The following PUM2 variants were observed in gnomAD, a reference collection of about 807,000 sequenced individuals.
PUM2 encodes the protein pumilio RNA binding family member 2.
In PUM2, 57 loss-of-function variants were observed where a neutral mutation model predicts 124.5. The ratio of observed to expected loss-of-function variants is 0.46; its 90% confidence interval spans 0.37 to 0.57. The LOEUF is 0.57. Ranked by LOEUF, PUM2 falls within the 20% of genes least tolerant of loss-of-function variation. PUM2 has a pLI of 0.00. For synonymous variants in PUM2, 460 were observed against 446.1 expected (o/e 1.03, Z -0.39); for missense variants, 1,065 against 1,290.6 (o/e 0.83, Z 2.68).
In PUM2 at chr2:20,263,424, G is replaced by T; in HGVS notation, c.1994C>A (p.Ala665Glu). Residue 665 changes from alanine (A) to glutamate (E), a missense_variant, in exon 14 of 21, where the codon GCA becomes GAA. Ala to Glu is a moderately radical substitution (Grantham distance 107). Transcript: ENST00000361078. ...ATATTTTGCTTCTGCTCCAGGTGCT[G>T]CAGAGATATATCGACCACTACCATT... is the stretch of plus-strand genomic sequence containing the variant. ...LTNGSGRYIS[A>E]APGAEAKYRS... 6.2e-7 allele frequency: 1 copy of T among 1,614,014 alleles called. No homozygotes were observed. The highest frequency in any genetic ancestry group is 8.5e-7 in the Non-Finnish European group (1 of 1,179,886).
chr2:20,294,544 T>C, intron 8 of PUM2, 26 bp from the exon 9 acceptor site: 1 of 1,566,386 alleles, frequency 6.4e-7, no homozygotes, highest in South Asian at 1.2e-5. Flanking sequence ...GACCCCCGAA[T>C]AAAAAGTTAC....
At chr2:20,333,378 T>G (rs115073128) in intron 1 of PUM2, among the ~76,000 whole-genome samples, 146 of 151,618 alleles carry the variant, frequency 9.6e-4, no homozygotes, top group African/African-American at 3.4e-3. Context: ...TACAAAAAAT[T>G]AAAAAATTAG....
chr2:20,308,435 T>C lies in PUM2; in HGVS notation c.668A>G (p.Asn223Ser), dbSNP rs1471022608. 2 of 1,614,134 alleles carry C rather than the reference T, an allele frequency of 1.2e-6. No homozygotes were observed. Among genetic ancestry groups the C allele is most frequent in the Non-Finnish European group, 1.7e-6 (2 of 1,179,992 alleles). Residue 223 changes from asparagine to serine, a missense_variant, in exon 6 of 21, where the codon AAT (asparagine) becomes AGT (serine). Asn to Ser is a conservative substitution (Grantham distance 46). This residue lies in a region of PUM2 where 968 missense variants were observed against 1,159.8 expected (regional missense o/e 0.83). Coordinates refer to ENST00000361078, the MANE Select transcript of PUM2 (RefSeq NM_015317.5). ...ACCAACTTGTTCCATGGCATCCAGA[T>C]TCTGAGTTTCAGGATTTGAAAATTC... ...VEEFSNPETQNLDAMEQVGLE... is the reference protein window; with the variant it reads ...VEEFSNPETQSLDAMEQVGLE...
chr2:20,327,439 A>C, intron 1 of PUM2, 61 bp from the exon 2 acceptor site: 2 of 1,042,084 alleles, frequency 1.9e-6, no homozygotes, highest in South Asian at 2.7e-5. Context: ...TTCTTCAACT[A>C]TTTTTATATT....
chr2:20,303,495 T>C (rs935143248), intron 7 of PUM2, among the ~76,000 whole-genome samples: 2 of 151,322 alleles, frequency 1.3e-5, no homozygotes, highest in Non-Finnish European at 2.9e-5. Flanking sequence ...ACCAAGAGTA[T>C]ATTTAATACA....
chr2:20,318,605 G>C lies in PUM2; in HGVS notation c.92C>G (p.Thr31Arg). Residue 31 changes from threonine (T) to arginine (R), a missense_variant, in exon 3 of 21, where the codon ACA (threonine) becomes AGA (arginine). By Grantham distance (71) the Thr-to-Arg change is moderately conservative. This residue lies in a region of PUM2 where 90 missense variants were observed against 103.6 expected (regional missense o/e 0.87). Transcript: ENST00000361078. ...TKKFWEPDDS[T>R]KDGQKGIFLG... is the part of the protein sequence containing the mutation. Reference sequence around the variant, plus strand: ...AAATATGCCTTTTTGTCCATCTTTTGTTGAATCATCAGGTTCCCAAAACTT... The same window carrying C: ...AAATATGCCTTTTTGTCCATCTTTTCTTGAATCATCAGGTTCCCAAAACTT... 6.2e-7 allele frequency: 1 copy of C among 1,613,592 alleles called. No homozygotes were observed. Among genetic ancestry groups the C allele is most frequent in the Non-Finnish European group, 8.5e-7 (1 of 1,179,916 alleles).
At chr2:20,293,770 G>A (rs1031326195) in intron 9 of PUM2, among the ~76,000 whole-genome samples, 1 of 151,798 alleles carries the variant, frequency 6.6e-6, no homozygotes, top group Admixed American at 6.6e-5. Context: ...AAGTTTAACT[G>A]CCAAGTAAGC....
At chr2:20,333,379 A>T (rs1043578784) in intron 1 of PUM2, among the ~76,000 whole-genome samples, 2 of 152,126 alleles carry the variant, frequency 1.3e-5, no homozygotes, top group African/African-American at 4.8e-5. Flanking sequence ...ACAAAAAATT[A>T]AAAAATTAGC....
At chr2:20,317,436 G>A (rs1193569206) in intron 3 of PUM2, among the ~76,000 whole-genome samples, 3 of 152,074 alleles carry the variant, frequency 2.0e-5, no homozygotes, top group Non-Finnish European at 4.4e-5. Flanking sequence ...AATAAAGCTA[G>A]GCTGAGCTGC....
At position 20,251,422 on chromosome 2, in the gene PUM2, C is replaced by T; in HGVS notation, c.*163G>A. On this transcript the variant is annotated 3_prime_UTR_variant, in exon 21 of 21. Coordinates refer to ENST00000361078, the MANE Select transcript of PUM2 (RefSeq NM_015317.5). ...ATTCATCCCCCACCCCCCAAATATA[C>T]ACAAGAACCTTAAAAAATTTACAAA... is the stretch of plus-strand genomic sequence containing the variant. 1 of 859,230 alleles carries T rather than the reference C, an allele frequency of 1.2e-6. No individual in the cohort carries two copies. Among genetic ancestry groups the T allele is most frequent in the Non-Finnish European group, 1.7e-6 (1 of 588,678 alleles). 53.2% of individuals were successfully genotyped at this position (859,230 alleles called of 1,614,324 possible). A position where few individuals can be genotyped will look rare whatever the true frequency, so the allele number is the denominator to read the frequency against.
At chr2:20,338,134 C>G (rs764960233) in intron 1 of PUM2, among the ~76,000 whole-genome samples, 1 of 152,166 alleles carries the variant, frequency 6.6e-6, no homozygotes. Flanking sequence ...TGGTGGCTCA[C>G]GCCTGTAATC....
intron 1 of PUM2, among the ~76,000 whole-genome samples, chr2:20,343,371 G>A (rs952050284): frequency 3.3e-5 from 5 of 151,912 alleles, no homozygotes; most frequent in Admixed American, 6.6e-5. Flanking sequence ...TCCAGCCTGG[G>A]TGACACCACT....
intron 2 of PUM2, among the ~76,000 whole-genome samples, chr2:20,325,102 C>T (rs1235766453): frequency 3.3e-5 from 5 of 152,030 alleles, no homozygotes; most frequent in African/African-American, 1.2e-4. Context: ...AGAAGGAAAT[C>T]CCAGAAGGTT....
chr2:20,319,994 G>A (rs1681914749), intron 2 of PUM2, among the ~76,000 whole-genome samples: 1 of 152,210 alleles, frequency 6.6e-6, no homozygotes, highest in South Asian at 2.1e-4. Flanking sequence ...TGGGCCAGGA[G>A]AGGTGGCTCA....
intron 7 of PUM2, 52 bp from the exon 8 acceptor site, chr2:20,297,730 T>C (rs773162091): frequency 6.4e-7 from 1 of 1,569,228 alleles, no homozygotes; most frequent in South Asian, 1.1e-5. Context: ...GTATGATTTT[T>C]TTCATTAGAT....
In PUM2 at chr2:20,342,587, C is replaced by A. The variant is rs1687438792; in HGVS notation, c.-19+8010G>T. 2.0e-5 allele frequency among the ~76,000 whole-genome samples: 3 copies of A among 152,172 alleles called. No individual in the cohort carries two copies. In the South Asian group the frequency reaches 6.2e-4, roughly 31 times the overall value. On this transcript the variant is annotated intron_variant, in intron 1 of 20. Coordinates refer to ENST00000361078, the MANE Select transcript of PUM2 (RefSeq NM_015317.5). ...AGGTATGAAATATATTCAATTTTCT[C>A]ATAAGACTGGGTAGAATAGAGATTT...
chr2:20,265,083 A>G (rs1481289850), intron 13 of PUM2, among the ~76,000 whole-genome samples: 1 of 151,988 alleles, frequency 6.6e-6, no homozygotes, highest in Non-Finnish European at 1.5e-5. Context: ...TCCCACCTCT[A>G]CTAAAAATAC....
chr2:20,334,065 A>C (rs1227992916), intron 1 of PUM2, among the ~76,000 whole-genome samples: 1 of 152,158 alleles, frequency 6.6e-6, no homozygotes, highest in African/African-American at 2.4e-5. Flanking sequence ...AGCCTGTAGA[A>C]CCATGAGACA....
chr2:20,336,177 G>GT (rs756496316), intron 1 of PUM2, among the ~76,000 whole-genome samples: 7 of 147,936 alleles, frequency 4.7e-5, no homozygotes, highest in East Asian at 2.3e-4. Flanking sequence ...CACAAAAAGC[G>GT]TTTTTTTGTT....
Sources: allele counts gnomAD v4.1 joint callset (sites outside exome capture counted in the v4.1 genomes callset), GRCh38; gene constraint gnomAD v4.1.1; regional missense constraint gnomAD v4.1.1; transcripts MANE v1.5; gene names NCBI Gene and HGNC (gene_info 2026-07-23, HGNC 2026-07-21).